The following SIK2 variants were observed in gnomAD, a reference collection of about 807,000 sequenced individuals.
SIK2 encodes serine/threonine-protein kinase SIK2.
SIK2 carries 29 observed loss-of-function variants against 103.2 expected under a neutral mutation model. The observed-to-expected ratio is 0.28, with a 90% CI of 0.21 to 0.38. The LOEUF is 0.38. SIK2 is among the 10% of genes least tolerant of loss of function. SIK2 has a pLI of 1.00. For synonymous variants in SIK2, 412 were observed against 446.1 expected (o/e 0.92, Z 0.96); for missense variants, 879 against 1,171.0 (o/e 0.75, Z 3.64).
At chr11:111,718,037 A>ACCTGCACAT (rs1214863875) in intron 9 of SIK2, among the ~76,000 whole-genome samples, 1 of 152,154 alleles carries the variant, frequency 6.6e-6, no homozygotes. Context: ...TATGTAACAA[A>ACCTGCACAT]CCTGCACATC....
At chr11:111,712,522 C>T in intron 9 of SIK2, 147 bp downstream of exon 9, 1 of 808,962 alleles carries the variant, frequency 1.2e-6, no homozygotes. Context: ...AACCTTAGAA[C>T]AGTGTCCAGG....
Position 111,725,987 on chromosome 11 carries a change from G to GTTGT in SIK2, c.*1861_*1864dup, listed in dbSNP as rs1359115767. The GTTGT allele has an allele frequency of 6.7e-6, 1 of 150,210 alleles. No individual in the cohort carries two copies. The highest frequency in any genetic ancestry group is 2.4e-5 in the African/African-American group (1 of 41,298). The allele number at this position is 150,210 out of a possible 1,614,324, so 9.3% of individuals were successfully genotyped here. A position where few individuals can be genotyped will look rare whatever the true frequency, so the allele number is the denominator to read the frequency against. ...AGAATGAATTAAGCTTCTTCTGGGA[G>GTTGT]TTGTTTATTCCTGCTCGTGCTTAAG... On this transcript the variant is annotated 3_prime_UTR_variant, in exon 15 of 15. Transcript: ENST00000304987.
chr11:111,636,104 A>G (rs1487374222), intron 3 of SIK2, among the ~76,000 whole-genome samples: 1 of 152,256 alleles, frequency 6.6e-6, no homozygotes, highest in African/African-American at 2.4e-5. Flanking sequence ...GGGGATAACC[A>G]GAGGTAGATT....
intron 3 of SIK2, among the ~76,000 whole-genome samples, chr11:111,639,004 C>T (rs78683647): frequency 0.024 from 3,670 of 152,242 alleles, 94 homozygotes; most frequent in African/African-American, 0.062. Flanking sequence ...TATAGTTTGG[C>T]TTGATCTTTT....
intron 4 of SIK2, among the ~76,000 whole-genome samples, chr11:111,692,742 A>G (rs1011075665): frequency 1.3e-5 from 2 of 152,118 alleles, no homozygotes; most frequent in African/African-American, 4.8e-5. Context: ...AACACATGGG[A>G]AAAATAGGGC....
intron 1 of SIK2, among the ~76,000 whole-genome samples, chr11:111,607,453 G>T (rs2135828329): frequency 6.6e-6 from 1 of 152,212 alleles, no homozygotes; most frequent in East Asian, 1.9e-4. Flanking sequence ...TTCTTGAAGA[G>T]AACTCATTTT....
intron 4 of SIK2, among the ~76,000 whole-genome samples, chr11:111,698,844 T>C (rs1369135964): frequency 2.0e-5 from 3 of 152,238 alleles, no homozygotes; most frequent in Non-Finnish European, 4.4e-5. Context: ...TCAGGATCTC[T>C]GAACACACAT....
intron 3 of SIK2, among the ~76,000 whole-genome samples, chr11:111,651,467 T>C (rs1942325175): frequency 6.6e-6 from 1 of 151,992 alleles, no homozygotes; most frequent in Non-Finnish European, 1.5e-5. Flanking sequence ...CACTTATAAG[T>C]GGGAGCTGAA....
intron 3 of SIK2, among the ~76,000 whole-genome samples, chr11:111,643,210 C>A (rs983196330): frequency 6.6e-6 from 1 of 152,070 alleles, no homozygotes; most frequent in African/African-American, 2.4e-5. Flanking sequence ...TTTTGCACAT[C>A]CTAGGCATTA....
intron 3 of SIK2, among the ~76,000 whole-genome samples, chr11:111,684,507 G>T (rs1195814696): frequency 6.6e-6 from 1 of 152,104 alleles, no homozygotes; most frequent in African/African-American, 2.4e-5. Context: ...TCATTTAGCG[G>T]TACAGCTTAA....
intron 3 of SIK2, among the ~76,000 whole-genome samples, chr11:111,646,317 C>T (rs144093395): frequency 0.012 from 1,813 of 152,136 alleles, 43 homozygotes; most frequent in African/African-American, 0.041. Context: ...GGTGTGGTGG[C>T]GCATGCCTGT....
At position 111,712,326 on chromosome 11, in the gene SIK2, G is replaced by A. The variant is rs772931050; in HGVS notation, c.1217G>A (p.Cys406Tyr). Residue 406 changes from cysteine to tyrosine, a missense_variant, in exon 9 of 15, where the codon TGT (cysteine) becomes TAT (tyrosine). By Grantham distance (194) the Cys-to-Tyr change is radical (BLOSUM62 -2). Coordinates refer to ENST00000304987, the MANE Select transcript of SIK2 (RefSeq NM_015191.3). ...GCCTTTTCATTTCCAGCATCTGGCTGTCAGGCGGAAGCTGCATTCATGGAA... is the reference window on the plus strand; with the variant it reads ...GCCTTTTCATTTCCAGCATCTGGCTATCAGGCGGAAGCTGCATTCATGGAA... Reference protein sequence around the residue: ...VEAFSFPASGCQAEAAFMEEE... With the variant: ...VEAFSFPASGYQAEAAFMEEE... 1.9e-6 allele frequency: 3 copies of A among 1,614,218 alleles called. No individual in the cohort carries two copies. The highest frequency in any genetic ancestry group is 1.1e-5 in the South Asian group (1 of 91,086).
rs374436915 is a variant in SIK2, at chr11:111,727,094, G to A, written c.*2965G>A. The A allele has an allele frequency of 1.3e-5, 21 of 1,579,132 alleles. No individual in the cohort carries two copies. The East Asian group carries it at 4.3e-4, about 32-fold the overall frequency. On this transcript the variant is annotated 3_prime_UTR_variant, in exon 15 of 15. Coordinates refer to ENST00000304987, the MANE Select transcript of SIK2 (RefSeq NM_015191.3). Reference sequence around the variant, plus strand: ...ACAGCATGTTAGCCCGACAGGAAGAGGGGGCCCACTTTCACATTCCCGGTG... The same window carrying A: ...ACAGCATGTTAGCCCGACAGGAAGAAGGGGCCCACTTTCACATTCCCGGTG...
In SIK2 at chr11:111,712,240, G is replaced by C. The variant is rs148704266; in HGVS notation, c.1131G>C (p.Met377Ile). Residue 377 changes from methionine to isoleucine, a missense_variant, in exon 9 of 15, where the codon ATG (methionine) becomes ATC (isoleucine). Physicochemically the swap from Met to Ile is conservative, Grantham distance 10 (BLOSUM62 1). Coordinates refer to ENST00000304987, the MANE Select transcript of SIK2 (RefSeq NM_015191.3). Reference protein sequence around the residue: ...KAQTVGLPVTMHSPNMRLLRS... With the variant: ...KAQTVGLPVTIHSPNMRLLRS... ...AGACTGTGGGGCTCCCAGTGACCAT[G>C]CATTCACCGAACATGAGGCTGCTGC... 4.3e-4 allele frequency: 690 copies of C among 1,614,194 alleles called. 4 individuals carry two copies. The African/African-American group carries it at 8.2e-3, about 19-fold the overall frequency.
intron 1 of SIK2, among the ~76,000 whole-genome samples, chr11:111,610,224 T>G (rs1183545023): frequency 1.3e-5 from 2 of 152,200 alleles, no homozygotes; most frequent in Admixed American, 1.3e-4. Flanking sequence ...GCATGGTAGC[T>G]CACGCCTGTA....
chr11:111,638,746 TA>T (rs1254575907), intron 3 of SIK2, among the ~76,000 whole-genome samples: 1 of 152,176 alleles, frequency 6.6e-6, no homozygotes, highest in Non-Finnish European at 1.5e-5. Context: ...AACATAGTTG[TA>T]ATAACTATTT....
In SIK2 at chr11:111,611,058, C is replaced by T. The variant is rs1358053121; in HGVS notation, c.136-5185C>T. 2.7e-5 allele frequency among the ~76,000 whole-genome samples: 4 copies of T among 150,672 alleles called. No homozygotes were observed. In the Admixed American group the frequency reaches 2.7e-4, roughly 10 times the overall value. On this transcript the variant is annotated intron_variant, in intron 1 of 14. Coordinates refer to ENST00000304987, the MANE Select transcript of SIK2 (RefSeq NM_015191.3). ...CCTAGGAGTTTGAGACCAGCCTGGG[C>T]AACATGGTGAAACCCACTCTCGACC...
chr11:111,665,595 G>A (rs1389747503), intron 3 of SIK2, among the ~76,000 whole-genome samples: 1 of 151,984 alleles, frequency 6.6e-6, no homozygotes, highest in African/African-American at 2.4e-5. Context: ...ATGCCAAGGC[G>A]GGCAGATTGC....
chr11:111,706,959 C>CAA (rs763828886), intron 8 of SIK2, among the ~76,000 whole-genome samples: 27 of 51,978 alleles, frequency 5.2e-4, no homozygotes, highest in Middle Eastern at 8.8e-3. Context: ...GACTCCGTCT[C>CAA]AAAAAAAAAA....
Sources: gnomAD v4.1 joint callset for allele counts (sites outside exome capture counted in the v4.1 genomes callset) on GRCh38, gnomAD v4.1.1 for gene constraint, MANE v1.5 for transcripts, NCBI Gene and HGNC (gene_info 2026-07-23, HGNC 2026-07-21) for gene names.